PCSK6: variants seen among roughly 807,000 people sequenced by gnomAD.
PCSK6 encodes proprotein convertase subtilisin/kexin type 6, also known as paired basic amino acid cleaving enzyme 4.
In PCSK6, 85 loss-of-function variants were observed where a neutral mutation model predicts 123.3. The observed-to-expected ratio is 0.69, with a 90% CI of 0.58 to 0.83. The LOEUF (loss-of-function observed/expected upper bound fraction) is 0.83. Among genes scored for constraint, PCSK6 ranks in the 40% least tolerant of loss-of-function variants. The pLI is 0.00. For synonymous variants in PCSK6, 508 were observed against 516.0 expected, an observed-to-expected ratio of 0.98 and a Z score of 0.21; for missense variants, 1,191 against 1,282.3, an observed-to-expected ratio of 0.93 and a Z score of 1.09.
At chr15:101,487,396 G>A (rs1462759806) in intron 1 of PCSK6, among the ~76,000 whole-genome samples, 3 of 152,206 alleles carry the variant, frequency 2.0e-5, no homozygotes, top group African/African-American at 7.2e-5. Flanking sequence ...AGTGTGCATC[G>A]GGGCGAATCT....
chr15:101,356,044 C>T (rs1314167966), intron 13 of PCSK6, among the ~76,000 whole-genome samples: 2 of 152,328 alleles, frequency 1.3e-5, no homozygotes, highest in East Asian at 1.9e-4. Context: ...TGATGTCTGA[C>T]GTGGGAGAAT....
chr15:101,368,041 C>G (rs1309787906), intron 12 of PCSK6, among the ~76,000 whole-genome samples: 2 of 152,228 alleles, frequency 1.3e-5, no homozygotes, highest in Non-Finnish European at 2.9e-5. Context: ...GTCTCGAACT[C>G]CTGACCTCAG....
At chr15:101,359,514 G>T (rs7168241) in intron 13 of PCSK6, among the ~76,000 whole-genome samples, 150,812 of 152,380 alleles carry the variant, frequency 0.99, 74,633 homozygotes, top group East Asian at 1. Context: ...ACACCTATTG[G>T]GCACCTATCA....
At chr15:101,393,953 A>G (rs915686182) in intron 7 of PCSK6, among the ~76,000 whole-genome samples, 2 of 152,190 alleles carry the variant, frequency 1.3e-5, no homozygotes, top group Non-Finnish European at 2.9e-5. Context: ...GGATAGGACC[A>G]TGAACTCTGC....
At chr15:101,448,751 G>T (rs183222031) in intron 1 of PCSK6, among the ~76,000 whole-genome samples, 167 of 152,284 alleles carry the variant, frequency 1.1e-3, no homozygotes, top group African/African-American at 3.8e-3. Flanking sequence ...TCTGCCTCTC[G>T]GCATGGTTAA....
At chr15:101,352,137 ATTTTT>A (rs56844456) in intron 13 of PCSK6, among the ~76,000 whole-genome samples, 4 of 97,016 alleles carry the variant, frequency 4.1e-5, no homozygotes, top group South Asian at 3.7e-4. Context: ...TATTTTTCTA[ATTTTT>A]TTTTTTTTTT....
intron 7 of PCSK6, among the ~76,000 whole-genome samples, chr15:101,394,677 A>G (rs1187821658): frequency 6.6e-6 from 1 of 152,236 alleles, no homozygotes; most frequent in Non-Finnish European, 1.5e-5. Flanking sequence ...ATCCCCGTAG[A>G]GCCAAATTGA....
At chr15:101,471,884 T>C (rs2057613429) in intron 1 of PCSK6, among the ~76,000 whole-genome samples, 1 of 152,172 alleles carries the variant, frequency 6.6e-6, no homozygotes, top group Non-Finnish European at 1.5e-5. Flanking sequence ...TTCTTTCACT[T>C]GGCCTGTCTA....
intron 1 of PCSK6, among the ~76,000 whole-genome samples, chr15:101,488,582 C>G (rs2058076906): frequency 6.6e-6 from 1 of 152,180 alleles, no homozygotes; most frequent in Non-Finnish European, 1.5e-5. Flanking sequence ...TTTCCGACAA[C>G]CCAGCGGTGT....
In PCSK6 at chr15:101,318,273, C is replaced by T. The variant is rs374907224; in HGVS notation, c.2569+46G>A. ...TCTCGGGTTCAAGGCAGCTAGCCTACGCTTGGGTGACGCTGGCCCGAGGCC... is the reference window on the plus strand; with the variant it reads ...TCTCGGGTTCAAGGCAGCTAGCCTATGCTTGGGTGACGCTGGCCCGAGGCC... On this transcript the variant is annotated intron_variant, in intron 19 of 21. Transcript: ENST00000611716. The T allele has an allele frequency of 6.5e-5, 90 of 1,394,862 alleles. No homozygotes were observed. In the African/African-American group the frequency reaches 7.1e-4, roughly 11 times the overall value. The allele number at this position is 1,394,862 out of a possible 1,614,324, so 86.4% of individuals were successfully genotyped here. A position where few individuals can be genotyped will look rare whatever the true frequency, so the allele number is the denominator to read the frequency against.
At chr15:101,316,587 C>T (rs2039993816) in intron 19 of PCSK6, among the ~76,000 whole-genome samples, 2 of 152,252 alleles carry the variant, frequency 1.3e-5, no homozygotes, top group South Asian at 4.1e-4. Context: ...AAAAAGGCGA[C>T]AGGCAAACTG....
At chr15:101,346,793 C>A in intron 13 of PCSK6, 2 of 1,230,776 alleles carry the variant, frequency 1.6e-6, no homozygotes, top group South Asian at 8.3e-5. Flanking sequence ...AGACAAAGGT[C>A]ATCTTTTTGT....
At chr15:101,338,016 G>C (rs961958430) in intron 13 of PCSK6, among the ~76,000 whole-genome samples, 2 of 152,142 alleles carry the variant, frequency 1.3e-5, no homozygotes, top group Non-Finnish European at 2.9e-5. Flanking sequence ...ACTGGGTCAG[G>C]TGATACAACA....
intron 13 of PCSK6, among the ~76,000 whole-genome samples, chr15:101,338,808 A>G (rs551223209): frequency 6.6e-6 from 1 of 152,230 alleles, no homozygotes; most frequent in Non-Finnish European, 1.5e-5. Flanking sequence ...CACTTGGGCC[A>G]GCACTGCCAG....
chr15:101,346,166 G>A (rs1165966042), intron 13 of PCSK6, among the ~76,000 whole-genome samples: 1 of 152,104 alleles, frequency 6.6e-6, no homozygotes, highest in Non-Finnish European at 1.5e-5. Flanking sequence ...GCATATTTGT[G>A]GTTTCCACCT....
chr15:101,377,933 C>T (rs933023967), intron 11 of PCSK6, among the ~76,000 whole-genome samples: 8 of 152,182 alleles, frequency 5.3e-5, no homozygotes, highest in East Asian at 3.8e-4. Context: ...GGTAAGTTAT[C>T]GCTTTGTGTT....
Position 101,359,078 on chromosome 15 carries a change from C to T in PCSK6, c.1858+7118G>A, listed in dbSNP as rs529800366. Reference sequence around the variant, plus strand: ...CACACAGCAGGGAGGGCTTGCCGTGCGTCAGCTGTGGCAGGACGCATGCCT... The same window carrying T: ...CACACAGCAGGGAGGGCTTGCCGTGTGTCAGCTGTGGCAGGACGCATGCCT... On this transcript the variant is annotated intron_variant, in intron 13 of 21. Transcript: ENST00000611716. Among the ~76,000 whole-genome samples the T allele has an allele frequency of 6.0e-4, 92 of 152,268 alleles. 2 individuals are homozygous for T. In the South Asian group the frequency reaches 0.018, roughly 30 times the overall value.
rs1482350261 is a variant in PCSK6 at position 101,403,278 on chromosome 15, G to T, written c.824-4702C>A. 7.2e-5 allele frequency among the ~76,000 whole-genome samples: 8 copies of T among 111,532 alleles called. No homozygotes were observed. The South Asian group carries it at 3.0e-3, about 42-fold the overall frequency. The allele number at this position is 111,532 out of a possible 152,430, so 73.2% of individuals were successfully genotyped here. A position where few individuals can be genotyped will look rare whatever the true frequency, so the allele number is the denominator to read the frequency against. The stretch of plus-strand genomic sequence containing the variant: ...ACACTCTGGGGACTGTTGTGGGGTG[G>T]GGGGAGGGGGGAGGGATAGCATTAG... On this transcript the variant is annotated intron_variant, in intron 6 of 21. Coordinates refer to ENST00000611716, the MANE Select transcript of PCSK6 (RefSeq NM_002570.5).
At chr15:101,389,926 C>T (rs6598461) in intron 8 of PCSK6, among the ~76,000 whole-genome samples, 128,785 of 152,160 alleles carry the variant, frequency 0.85, 54,741 homozygotes, top group Admixed American at 0.87. Context: ...CTGGGTCTGC[C>T]GGACTTTGTG....
Sources: allele counts gnomAD v4.1 joint callset (sites outside exome capture counted in the v4.1 genomes callset), GRCh38; gene constraint gnomAD v4.1.1; transcripts MANE v1.5; gene names NCBI Gene and HGNC (gene_info 2026-07-23, HGNC 2026-07-21).